The following GAB2 variants were observed in gnomAD, a reference collection of about 807,000 sequenced individuals.
The protein encoded by GAB2 is GRB2-associated-binding protein 2.
In GAB2, 26 loss-of-function variants were observed where a neutral mutation model predicts 65.5. That is an observed-to-expected ratio of 0.40 (90% confidence interval 0.29 to 0.55). GAB2 has a LOEUF of 0.55. Ranked by LOEUF, GAB2 falls within the 20% of genes least tolerant of loss-of-function variation. GAB2 has a pLI of 0.53. For missense variants in GAB2, 884 were observed against 875.8 expected, an observed-to-expected ratio of 1.01 and a Z score of -0.12; for synonymous variants, 321 against 329.6, an observed-to-expected ratio of 0.97 and a Z score of 0.28.
At chr11:78,226,422 T>C in intron 4 of GAB2, 43 bp downstream of exon 4, 1 of 1,478,332 alleles carries the variant, frequency 6.8e-7, no homozygotes, top group Non-Finnish European at 9.5e-7. Flanking sequence ...ACCCCTGTGT[T>C]ACCTCCTCCT....
At chr11:78,264,557 T>C (rs1055318947) in intron 2 of GAB2, among the ~76,000 whole-genome samples, 2 of 150,904 alleles carry the variant, frequency 1.3e-5, no homozygotes, top group African/African-American at 2.4e-5. Context: ...CGTGCCACCA[T>C]GCCCAGCTAA....
chr11:78,294,958 C>T (rs377456964), intron 1 of GAB2, among the ~76,000 whole-genome samples: 4 of 152,144 alleles, frequency 2.6e-5, no homozygotes, highest in Non-Finnish European at 5.9e-5. Flanking sequence ...AGGCAACCTA[C>T]AGAATGGGAG....
At chr11:78,314,230 C>G (rs1320698149) in intron 1 of GAB2, among the ~76,000 whole-genome samples, 1 of 152,186 alleles carries the variant, frequency 6.6e-6, no homozygotes, top group East Asian at 1.9e-4. Context: ...TGTGATGGTA[C>G]TTGCAAGCCT....
chr11:78,235,192 G>A lies in GAB2; in HGVS notation c.621-8141C>T, dbSNP rs557835407. ...TTTTGAGACAGAGTCTCACTCTGTC[G>A]CCCAGGCTGGAGTGCAGTGGCACGA... On this transcript the variant is annotated intron_variant, in intron 3 of 9. Transcript: ENST00000361507. 2.4e-4 allele frequency among the ~76,000 whole-genome samples: 37 copies of A among 151,788 alleles called. No individual in the cohort carries two copies. In the South Asian group the frequency reaches 6.9e-3, roughly 28 times the overall value.
intron 1 of GAB2, among the ~76,000 whole-genome samples, chr11:78,330,568 A>G (rs557451895): frequency 3.3e-5 from 5 of 152,298 alleles, no homozygotes; most frequent in African/African-American, 1.2e-4. Flanking sequence ...GAAGGAAGTG[A>G]TGGTCAGAAT....
chr11:78,407,730 GAAAGAAAGAAAGAAAGAA>G (rs1373822616), intron 1 of GAB2, among the ~76,000 whole-genome samples: 2 of 147,636 alleles, frequency 1.4e-5, no homozygotes, highest in Non-Finnish European at 3.0e-5. Flanking sequence ...CAAAAAGAAA[GAAAGAAAGAAAGAAAGAA>G]AAAGAAAGAA....
intron 1 of GAB2, among the ~76,000 whole-genome samples, chr11:78,399,372 G>A (rs1856941682): frequency 6.6e-6 from 1 of 152,188 alleles, no homozygotes; most frequent in Admixed American, 6.5e-5. Flanking sequence ...GGCAATCTGA[G>A]CTAACCTTTG....
chr11:78,405,064 T>C (rs950844558), intron 1 of GAB2, among the ~76,000 whole-genome samples: 3 of 149,258 alleles, frequency 2.0e-5, no homozygotes, highest in Non-Finnish European at 4.5e-5. Flanking sequence ...AGAATCCTAA[T>C]CCACAGAATG....
At chr11:78,302,544 T>C (rs766186785) in intron 1 of GAB2, among the ~76,000 whole-genome samples, 3 of 150,902 alleles carry the variant, frequency 2.0e-5, no homozygotes, top group African/African-American at 7.3e-5. Flanking sequence ...TTGGCATCGA[T>C]GCAGTGAAAA....
chr11:78,327,797 C>T (rs1036083863), intron 1 of GAB2, among the ~76,000 whole-genome samples: 1 of 152,164 alleles, frequency 6.6e-6, no homozygotes, highest in African/African-American at 2.4e-5. Flanking sequence ...TAATAACTAG[C>T]AGTGTCACTT....
chr11:78,338,456 A>C (rs1382784550), intron 1 of GAB2, among the ~76,000 whole-genome samples: 1 of 152,216 alleles, frequency 6.6e-6, no homozygotes, highest in Non-Finnish European at 1.5e-5. Flanking sequence ...GACTGTCTAC[A>C]CCAAAGGCAG....
intron 1 of GAB2, among the ~76,000 whole-genome samples, chr11:78,416,853 T>TC (rs1423050466): frequency 6.7e-6 from 1 of 149,744 alleles, no homozygotes; most frequent in Non-Finnish European, 1.5e-5. Flanking sequence ...GGCTGCCAGT[T>TC]CCCCACCTAG....
intron 2 of GAB2, among the ~76,000 whole-genome samples, chr11:78,255,867 G>A (rs181153237): frequency 2.0e-5 from 3 of 152,284 alleles, no homozygotes; most frequent in Middle Eastern, 3.4e-3. Context: ...TAGAACAAAA[G>A]CGACATGGTG....
intron 1 of GAB2, among the ~76,000 whole-genome samples, chr11:78,289,410 G>GA (rs1000733359): frequency 6.6e-6 from 1 of 151,988 alleles, no homozygotes; most frequent in Non-Finnish European, 1.5e-5. Context: ...AAAACGTTTA[G>GA]AAAAAAAGGT....
rs1351586866 is a variant in GAB2 at position 78,225,181 on chromosome 11, T to C, written c.1229A>G (p.Glu410Gly). The C allele has an allele frequency of 6.2e-7, 1 of 1,612,024 alleles. No individual in the cohort carries two copies. Among genetic ancestry groups the C allele is most frequent in the Non-Finnish European group, 8.5e-7 (1 of 1,178,070 alleles). ...LHRASSCETY[E>G]YPQRGGESAG... ...ACTCTCTCCACCACGCTGTGGGTAC[T>C]CGTAGGTCTCACAGGAAGAAGCTGA... The change falls in exon 5 of 10, where the codon GAG (glutamate) becomes GGG (glycine). Residue 410 changes from glutamate to glycine, a missense_variant. Coordinates refer to ENST00000361507, the MANE Select transcript of GAB2 (RefSeq NM_080491.3).
chr11:78,264,750 C>G (rs779034713), intron 2 of GAB2, among the ~76,000 whole-genome samples: 1 of 152,062 alleles, frequency 6.6e-6, no homozygotes, highest in Non-Finnish European at 1.5e-5. Context: ...AAGTGTAATG[C>G]CCCTCAAATC....
chr11:78,371,497 C>T (rs1856570952), intron 1 of GAB2, among the ~76,000 whole-genome samples: 2 of 152,180 alleles, frequency 1.3e-5, no homozygotes, highest in African/African-American at 4.8e-5. Flanking sequence ...CTTTTCCTTC[C>T]CTCATTCAAT....
At chr11:78,306,694 A>T (rs1855366749) in intron 1 of GAB2, among the ~76,000 whole-genome samples, 2 of 152,238 alleles carry the variant, frequency 1.3e-5, no homozygotes, top group African/African-American at 4.8e-5. Flanking sequence ...AGTGTTTGCA[A>T]GCGTCTTGAA....
At chr11:78,358,301 G>C (rs1437648603) in intron 1 of GAB2, among the ~76,000 whole-genome samples, 2 of 116,924 alleles carry the variant, frequency 1.7e-5, no homozygotes, top group Admixed American at 1.9e-4. Flanking sequence ...GTTGTGGGGT[G>C]GGGGGAGGGG....
Sources: gnomAD v4.1 joint callset for allele counts (sites outside exome capture counted in the v4.1 genomes callset) on GRCh38, gnomAD v4.1.1 for gene constraint, MANE v1.5 for transcripts, NCBI Gene and HGNC (gene_info 2026-07-23, HGNC 2026-07-21) for gene names.